The following MAP7 variants were observed in gnomAD, a reference collection of about 807,000 sequenced individuals.
The protein encoded by MAP7 is ensconsin.
A neutral mutation model predicts 94.8 loss-of-function variants in MAP7; 52 were observed. The observed-to-expected ratio is 0.55, with a 90% confidence interval of 0.44 to 0.69. MAP7 has a LOEUF of 0.69. Ranked by LOEUF, MAP7 falls within the 30% of genes least tolerant of loss-of-function variation. MAP7 has a pLI of 0.00. For missense variants in MAP7, 940 were observed against 964.6 expected (o/e 0.97, Z 0.34); for synonymous variants, 350 against 357.0 (o/e 0.98, Z 0.22).
intron 8 of MAP7, among the ~76,000 whole-genome samples, chr6:136,368,698 G>T (rs1794912824): frequency 6.6e-6 from 1 of 152,090 alleles, no homozygotes; most frequent in South Asian, 2.1e-4. Flanking sequence ...CTTAACAAAG[G>T]AGGCTAAAGA....
At chr6:136,435,063 A>G (rs1796013907) in intron 1 of MAP7, among the ~76,000 whole-genome samples, 1 of 152,228 alleles carries the variant, frequency 6.6e-6, no homozygotes, top group Non-Finnish European at 1.5e-5. Flanking sequence ...AAGCTGACAA[A>G]TAGGCTCTTT....
intron 6 of MAP7, among the ~76,000 whole-genome samples, chr6:136,378,106 T>C (rs1776754253): frequency 6.6e-6 from 1 of 152,210 alleles, no homozygotes; most frequent in South Asian, 2.1e-4. Flanking sequence ...GTTTTACAGA[T>C]GCAAATTTTG....
intron 1 of MAP7, among the ~76,000 whole-genome samples, chr6:136,426,778 T>C (rs1208183528): frequency 6.6e-6 from 1 of 152,232 alleles, no homozygotes; most frequent in African/African-American, 2.4e-5. Context: ...TCAATGTCTC[T>C]TTGAATTCTG....
intron 3 of MAP7, among the ~76,000 whole-genome samples, chr6:136,392,352 T>C (rs551827019): frequency 6.6e-6 from 1 of 151,748 alleles, no homozygotes; most frequent in Admixed American, 6.6e-5. Flanking sequence ...GTTCTGGGAT[T>C]ACAGGCAGGA....
chr6:136,542,856 GT>G (rs1409882890), intron 1 of MAP7, among the ~76,000 whole-genome samples: 2 of 152,170 alleles, frequency 1.3e-5, no homozygotes, highest in Non-Finnish European at 2.9e-5. Flanking sequence ...GTGAGCATGG[GT>G]TAGCATTAAA....
At chr6:136,427,199 A>G (rs1377939715) in intron 1 of MAP7, among the ~76,000 whole-genome samples, 1 of 152,200 alleles carries the variant, frequency 6.6e-6, no homozygotes, top group Non-Finnish European at 1.5e-5. Flanking sequence ...CTCACGCAGC[A>G]CTATATAGGG....
At chr6:136,489,311 G>GA (rs914026984) in intron 1 of MAP7, among the ~76,000 whole-genome samples, 4 of 151,386 alleles carry the variant, frequency 2.6e-5, no homozygotes, top group African/African-American at 9.7e-5. Flanking sequence ...TCCTCAGCTA[G>GA]AAAAAAAAGT....
At chr6:136,410,002 G>A (rs1431067987) in intron 3 of MAP7, among the ~76,000 whole-genome samples, 4 of 152,170 alleles carry the variant, frequency 2.6e-5, no homozygotes, top group African/African-American at 9.7e-5. Flanking sequence ...AAAGCTGTAA[G>A]TCTTACACCT....
chr6:136,385,017 C>T (rs981752755), intron 5 of MAP7, among the ~76,000 whole-genome samples: 4 of 152,146 alleles, frequency 2.6e-5, no homozygotes, highest in Non-Finnish European at 5.9e-5. Context: ...GGGGTTTTTG[C>T]TGTATTTTGT....
At chr6:136,436,358 T>C (rs1374197042) in intron 1 of MAP7, among the ~76,000 whole-genome samples, 1 of 151,934 alleles carries the variant, frequency 6.6e-6, no homozygotes, top group Non-Finnish European at 1.5e-5. Flanking sequence ...AAAAGTTCTA[T>C]TTTTTAAATA....
chr6:136,454,419 G>A (rs948877330), intron 1 of MAP7, among the ~76,000 whole-genome samples: 3 of 151,772 alleles, frequency 2.0e-5, no homozygotes, highest in African/African-American at 7.3e-5. Context: ...CGATCCTCCC[G>A]CCCCAGCCTT....
At chr6:136,444,480 C>T (rs1447766682) in intron 1 of MAP7, among the ~76,000 whole-genome samples, 4 of 152,186 alleles carry the variant, frequency 2.6e-5, no homozygotes, top group East Asian at 1.9e-4. Flanking sequence ...CTAAATTATA[C>T]AAACTCAACA....
At chr6:136,366,690 T>C (rs1794415805) in intron 8 of MAP7, among the ~76,000 whole-genome samples, 1 of 152,228 alleles carries the variant, frequency 6.6e-6, no homozygotes, top group African/African-American at 2.4e-5. Flanking sequence ...AAAAAGCATA[T>C]GTGTGTACAT....
At chr6:136,366,469 T>A in intron 8 of MAP7, 30 bp from the exon 9 acceptor site, 1 of 1,489,768 alleles carries the variant, frequency 6.7e-7, no homozygotes, top group South Asian at 1.1e-5. Flanking sequence ...ATAGTTAGAT[T>A]TTTCCACAAG....
At chr6:136,401,686 T>G (rs1363509647) in intron 3 of MAP7, among the ~76,000 whole-genome samples, 5 of 151,702 alleles carry the variant, frequency 3.3e-5, no homozygotes, top group Admixed American at 1.3e-4. Context: ...ATGTAAATGA[T>G]GAGTTAATGG....
In MAP7 at chr6:136,382,579, T is replaced by C. The variant is rs372290166; in HGVS notation, c.637+1092A>G. 7.9e-5 allele frequency among the ~76,000 whole-genome samples: 12 copies of C among 152,162 alleles called. No homozygotes were observed. The East Asian group carries it at 1.5e-3, about 20-fold the overall frequency. On this transcript the variant is annotated intron_variant, in intron 6 of 17. Transcript: ENST00000354570. ...ATATTGATGGTTTAGGCAAATTAGG[T>C]TAAAAAAACAAAAGGAAAGAGTTTT...
At chr6:136,511,131 G>C (rs1823152834) in intron 1 of MAP7, among the ~76,000 whole-genome samples, 2 of 152,150 alleles carry the variant, frequency 1.3e-5, no homozygotes, top group Non-Finnish European at 1.5e-5. Context: ...TAGATTGTGA[G>C]AAAATCTGGC....
At chr6:136,434,555 T>C (rs1025620009) in intron 1 of MAP7, among the ~76,000 whole-genome samples, 15 of 151,942 alleles carry the variant, frequency 9.9e-5, no homozygotes, top group African/African-American at 3.6e-4. Context: ...ATTTAAAACA[T>C]GTTCCTTTTA....
At chr6:136,447,176 G>C (rs1418543973) in intron 1 of MAP7, among the ~76,000 whole-genome samples, 1 of 152,194 alleles carries the variant, frequency 6.6e-6, no homozygotes. Flanking sequence ...CCCGAAATTT[G>C]TTGTGTCTCT....
Sources: allele counts gnomAD v4.1 joint callset (sites outside exome capture counted in the v4.1 genomes callset), GRCh38; gene constraint gnomAD v4.1.1; transcripts MANE v1.5; gene names NCBI Gene and HGNC (gene_info 2026-07-23, HGNC 2026-07-21).